Variants in GLYATL2 observed in about 807,000 individuals in gnomAD.
The protein encoded by GLYATL2 is glycine N-acyltransferase-like protein 2.
Under a neutral mutation model 21.4 loss-of-function variants are expected in GLYATL2, and 25 were observed. That is an observed-to-expected ratio of 1.17 (90% confidence interval 0.85 to 1.63). GLYATL2 has a LOEUF of 1.63. Among genes scored for constraint, GLYATL2 ranks in the 40% most tolerant of loss-of-function variants. The pLI is 0.00. For synonymous variants in GLYATL2, 114 were observed against 118.2 expected (o/e 0.96, Z 0.23); for missense variants, 361 against 343.3 (o/e 1.05, Z -0.41).
At position 58,864,196 on chromosome 11, in the gene GLYATL2, T is replaced by G. The variant is rs553721484; in HGVS notation, n.61-25828A>C. Among the ~76,000 whole-genome samples, 11 of 152,274 alleles carry G rather than the reference T, an allele frequency of 7.2e-5. No individual in the cohort carries two copies. In the South Asian group the frequency reaches 2.3e-3, roughly 32 times the overall value. On this transcript the variant is annotated intron_variant and non_coding_transcript_variant, in intron 1 of 4. Transcript: ENST00000533636. Reference sequence around the variant, plus strand: ...GCCTGGAGGTTGGATCTATGGACACTGGCCTGGTGACTAAAGTTGCAGGGG... The same window carrying G: ...GCCTGGAGGTTGGATCTATGGACACGGGCCTGGTGACTAAAGTTGCAGGGG...
chr11:58,905,847 A>G (rs1315315864), upstream of GLYATL2, among the ~76,000 whole-genome samples: 4 of 152,110 alleles, frequency 2.6e-5, no homozygotes, highest in African/African-American at 9.7e-5. Flanking sequence ...CTCTTCAATC[A>G]CTGTCTGGAG....
chr11:58,899,724 GACAT>G (rs1854702280), intron 1 of GLYATL2, among the ~76,000 whole-genome samples: 3 of 152,032 alleles, frequency 2.0e-5, no homozygotes, highest in African/African-American at 7.2e-5. Flanking sequence ...GTGAACAAAG[GACAT>G]ACTTGAACCA....
At chr11:58,859,665 T>C (rs1213292438) in intron 1 of GLYATL2, among the ~76,000 whole-genome samples, 1 of 152,198 alleles carries the variant, frequency 6.6e-6, no homozygotes, top group East Asian at 1.9e-4. Context: ...ATCTGTGCTT[T>C]AGGAATTCCA....
chr11:58,858,939 A>G (rs370938551), intron 1 of GLYATL2, among the ~76,000 whole-genome samples: 62 of 152,232 alleles, frequency 4.1e-4, no homozygotes, highest in African/African-American at 1.4e-3. Flanking sequence ...TATTCTTGCT[A>G]TACTTTCCTT....
chr11:58,892,517 A>G (rs770442266), intron 1 of GLYATL2: 11 of 181,332 alleles, frequency 6.1e-5, no homozygotes, highest in Non-Finnish European at 1.3e-4. Flanking sequence ...GAGGTAGAAC[A>G]ATCTGTGGTG....
intron 1 of GLYATL2, among the ~76,000 whole-genome samples, chr11:58,874,113 T>C (rs147698867): frequency 0.012 from 1,822 of 152,324 alleles, 44 homozygotes; most frequent in African/African-American, 0.041. Flanking sequence ...TTTGTATTTC[T>C]GTGGGATCGG....
chr11:58,834,337 T>C lies in GLYATL2; in HGVS notation c.*92A>G. ...TAATACACAGATCCTAGATAATCAG[T>C]TGCATTTTGTGCTAATGTAGATCAC... On this transcript the variant is annotated 3_prime_UTR_variant, in exon 6 of 6. Transcript: ENST00000287275. The C allele has an allele frequency of 1.2e-5, 12 of 994,444 alleles. No homozygotes were observed. Among genetic ancestry groups the C allele is most frequent in the Non-Finnish European group, 1.8e-5 (12 of 680,058 alleles). 61.6% of individuals were successfully genotyped at this position (994,444 alleles called of 1,614,324 possible).
Position 58,839,572 on chromosome 11 carries a change from T to C in GLYATL2, c.41A>G (p.Tyr14Cys), listed in dbSNP as rs970801156. The change falls in exon 2 of 6, where the codon TAT becomes TGT. Residue 14 changes from tyrosine (Y) to cysteine (C), a missense_variant. Tyr to Cys is a radical substitution (Grantham distance 194, BLOSUM62 -2). Transcript: ENST00000287275. ...LHNSQKLQILYKSLEKSIPES... is the reference protein window; with the variant it reads ...LHNSQKLQILCKSLEKSIPES... ...AGGGATGCTCTTTTCTAAGGATTTA[T>C]ACAGAATCTGCAGCTTCTGAGAGTT... 2.5e-6 allele frequency: 4 copies of C among 1,612,074 alleles called. No individual in the cohort carries two copies. The South Asian group carries it at 3.3e-5, about 13-fold the overall frequency.
upstream of GLYATL2, among the ~76,000 whole-genome samples, chr11:58,845,349 C>A (rs1196197565): frequency 6.6e-6 from 1 of 152,082 alleles, no homozygotes; most frequent in African/African-American, 2.4e-5. Flanking sequence ...ATCGGTAATA[C>A]CAACTACTTG....
intron 1 of GLYATL2, among the ~76,000 whole-genome samples, chr11:58,902,208 G>GAACCC (rs1854752023): frequency 6.6e-6 from 1 of 152,022 alleles, no homozygotes. Context: ...AGCCCACTAT[G>GAACCC]AACCCACAGG....
intron 1 of GLYATL2, among the ~76,000 whole-genome samples, chr11:58,897,498 A>C (rs1029711033): frequency 3.3e-5 from 5 of 152,186 alleles, no homozygotes; most frequent in African/African-American, 1.2e-4. Context: ...TAGAGATCAC[A>C]GCACCCCACT....
chr11:58,865,317 T>C (rs1345921965), intron 1 of GLYATL2, among the ~76,000 whole-genome samples: 2 of 149,028 alleles, frequency 1.3e-5, no homozygotes. Context: ...CAAAAATACA[T>C]ATTTGAGGAT....
intron 1 of GLYATL2, among the ~76,000 whole-genome samples, chr11:58,888,446 CT>C (rs750048415): frequency 2.6e-5 from 4 of 151,840 alleles, no homozygotes; most frequent in Non-Finnish European, 5.9e-5. Context: ...TTAATTTTTA[CT>C]TTTGACATAT....
chr11:58,851,391 G>C (rs187957208), intron 1 of GLYATL2, among the ~76,000 whole-genome samples: 2 of 152,176 alleles, frequency 1.3e-5, no homozygotes, highest in East Asian at 3.9e-4. Context: ...GTATCGCACT[G>C]GTTGATTTGC....
chr11:58,883,641 AG>A (rs1416039859), intron 1 of GLYATL2, among the ~76,000 whole-genome samples: 1 of 152,210 alleles, frequency 6.6e-6, no homozygotes, highest in African/African-American at 2.4e-5. Context: ...CAGAGGTACA[AG>A]GAGGAGCTGG....
At chr11:58,866,939 T>C (rs536838267) in intron 1 of GLYATL2, among the ~76,000 whole-genome samples, 1 of 149,418 alleles carries the variant, frequency 6.7e-6, no homozygotes, top group Middle Eastern at 3.4e-3. Flanking sequence ...TCAGATGTCT[T>C]CCTAAGATGG....
chr11:58,856,909 GAC>G (rs1853838343), intron 1 of GLYATL2, among the ~76,000 whole-genome samples: 3 of 152,210 alleles, frequency 2.0e-5, no homozygotes, highest in Non-Finnish European at 2.9e-5. Flanking sequence ...GGTGCCAGTA[GAC>G]TTGCTTGATG....
chr11:58,908,931 T>C (rs996676691), upstream of GLYATL2, among the ~76,000 whole-genome samples: 1 of 152,170 alleles, frequency 6.6e-6, no homozygotes, highest in Non-Finnish European at 1.5e-5. Context: ...ATTATCATCC[T>C]TATTTTCCAA....
intron 1 of GLYATL2, among the ~76,000 whole-genome samples, chr11:58,864,443 T>C (rs1183440701): frequency 6.7e-6 from 1 of 149,222 alleles, no homozygotes; most frequent in Non-Finnish European, 1.5e-5. Context: ...TGGCTCAGTC[T>C]GCAGGTACCA....
Sources: gnomAD v4.1 joint callset for allele counts (sites outside exome capture counted in the v4.1 genomes callset) on GRCh38, gnomAD v4.1.1 for gene constraint, MANE v1.5 for transcripts, NCBI Gene and HGNC (gene_info 2026-07-23, HGNC 2026-07-21) for gene names.